Variants in CAPN13 observed in about 807,000 individuals in gnomAD.
The protein encoded by CAPN13 is calpain-13.
In CAPN13, 90 loss-of-function variants were observed where a neutral mutation model predicts 98.4. The observed-to-expected ratio is 0.92, with a 90% CI of 0.77 to 1.09. The LOEUF is 1.09. Ranked by LOEUF, CAPN13 falls within the 50% of genes least tolerant of loss-of-function variation. The probability of loss-of-function intolerance (pLI) is 0.00; values close to 1 mark genes in which losing one functional copy is unlikely to be tolerated. For missense variants in CAPN13, 887 were observed against 841.3 expected, an observed-to-expected ratio of 1.05 and a Z score of -0.67; for synonymous variants, 330 against 305.5, an observed-to-expected ratio of 1.08 and a Z score of -0.84.
chr2:30,738,568 T>A (rs141316385), intron 15 of CAPN13, 111 bp from the exon 16 acceptor site: 20 of 1,143,760 alleles, frequency 1.7e-5, no homozygotes, highest in Non-Finnish European at 2.4e-5. Flanking sequence ...GTCCCCACAA[T>A]GTACCCATCT....
At chr2:30,735,876 G>A (rs999304134) in intron 18 of CAPN13, among the ~76,000 whole-genome samples, 4 of 152,180 alleles carry the variant, frequency 2.6e-5, no homozygotes, top group Non-Finnish European at 1.5e-5. Flanking sequence ...AAGTATGAAG[G>A]GTAGGTGGGC....
chr2:30,779,868 A>G (rs922035221), intron 2 of CAPN13, among the ~76,000 whole-genome samples: 2 of 152,154 alleles, frequency 1.3e-5, no homozygotes, highest in South Asian at 2.1e-4. Context: ...CATTACTTTC[A>G]ATGGCAAAAA....
intron 8 of CAPN13, among the ~76,000 whole-genome samples, chr2:30,755,034 C>T (rs561023689): frequency 6.6e-6 from 1 of 152,190 alleles, no homozygotes. Context: ...CTGCCACCCT[C>T]TCCGATGTTA....
intron 8 of CAPN13, among the ~76,000 whole-genome samples, chr2:30,757,171 C>T (rs72867151): frequency 0.062 from 9,491 of 152,316 alleles, 547 homozygotes; most frequent in African/African-American, 0.15. Context: ...TGCTGTGTCA[C>T]GACATTTTTC....
At chr2:30,777,347 C>A (rs1572858317) in intron 3 of CAPN13, among the ~76,000 whole-genome samples, 1 of 152,264 alleles carries the variant, frequency 6.6e-6, no homozygotes, top group East Asian at 1.9e-4. Flanking sequence ...AGGTATCTTG[C>A]ACGGTCATTG....
At chr2:30,790,830 G>C (rs781117920) in intron 1 of CAPN13, among the ~76,000 whole-genome samples, 2 of 152,258 alleles carry the variant, frequency 1.3e-5, no homozygotes, top group Non-Finnish European at 2.9e-5. Flanking sequence ...ATTTCTCACA[G>C]TTCTGGAGGC....
intron 2 of CAPN13, among the ~76,000 whole-genome samples, chr2:30,786,671 A>G (rs1674299514): frequency 6.6e-6 from 1 of 152,318 alleles, no homozygotes; most frequent in South Asian, 2.1e-4. Context: ...GATTATTTAA[A>G]TTCATCCTAT....
At chr2:30,742,217 C>G (rs1289243726) in intron 14 of CAPN13, 109 bp downstream of exon 14, 3 of 1,338,270 alleles carry the variant, frequency 2.2e-6, no homozygotes, top group African/African-American at 1.5e-5. Context: ...CATGGTGTCT[C>G]TCTTTTCATT....
At chr2:30,757,992 C>G in intron 8 of CAPN13, 54 bp downstream of exon 8, 1 of 1,393,722 alleles carries the variant, frequency 7.2e-7, no homozygotes, top group Non-Finnish European at 9.7e-7. Flanking sequence ...GCAGGAGGCT[C>G]TACCGACACC....
In CAPN13 at chr2:30,743,717, G is replaced by T. The variant is rs1299881121; in HGVS notation, c.1249-138C>A. 5.1e-6 allele frequency: 4 copies of T among 789,840 alleles called. No individual in the cohort carries two copies. In the Admixed American group the frequency reaches 6.0e-5, roughly 12 times the overall value. 48.9% of individuals were successfully genotyped at this position (789,840 alleles called of 1,614,324 possible). Reference sequence around the variant, plus strand: ...TACAGGCTCTATAAATGGAGACAGTGCTCAGCTGAAGTCTCAAAAAGCAGT... The same window carrying T: ...TACAGGCTCTATAAATGGAGACAGTTCTCAGCTGAAGTCTCAAAAAGCAGT... On this transcript the variant is annotated intron_variant, in intron 12 of 22. Coordinates refer to ENST00000295055, the MANE Select transcript of CAPN13 (RefSeq NM_144575.3).
At chr2:30,747,409 C>T (rs1671967583) in intron 11 of CAPN13, among the ~76,000 whole-genome samples, 2 of 152,178 alleles carry the variant, frequency 1.3e-5, no homozygotes, top group Non-Finnish European at 1.5e-5. Flanking sequence ...TGACACTGGG[C>T]CCCACCCATG....
chr2:30,738,704 T>A (rs1671505028), intron 15 of CAPN13, among the ~76,000 whole-genome samples: 1 of 152,178 alleles, frequency 6.6e-6, no homozygotes, highest in South Asian at 2.1e-4. Context: ...CATTCCTGTC[T>A]TTATCTATTA....
chr2:30,786,752 A>C (rs1335730231), intron 2 of CAPN13, among the ~76,000 whole-genome samples: 1 of 152,166 alleles, frequency 6.6e-6, no homozygotes, highest in Non-Finnish European at 1.5e-5. Context: ...GAATATAAAG[A>C]TACTGACACC....
chr2:30,732,623 G>A (rs1671162650), intron 19 of CAPN13, 57 bp from the exon 20 acceptor site: 5 of 1,559,812 alleles, frequency 3.2e-6, no homozygotes, highest in African/African-American at 2.7e-5. Flanking sequence ...GGGTTCCTCT[G>A]CCTCTCAGGG....
Position 30,736,621 on chromosome 2 carries a change from G to C in CAPN13, c.1654-50C>G, listed in dbSNP as rs753828073. 4 of 1,557,940 alleles carry C rather than the reference G, an allele frequency of 2.6e-6. No homozygotes were observed. In the African/African-American group the frequency reaches 4.1e-5, roughly 16 times the overall value. ...CAGCCAGCGTGCAAGGTGCAGAGGGGCTGCCATCCTGCCAACAAAGCCAGA... is the reference window on the plus strand; with the variant it reads ...CAGCCAGCGTGCAAGGTGCAGAGGGCCTGCCATCCTGCCAACAAAGCCAGA... On this transcript the variant is annotated intron_variant, in intron 17 of 22. Coordinates refer to ENST00000295055, the MANE Select transcript of CAPN13 (RefSeq NM_144575.3).
At chr2:30,743,092 C>T (rs1450572772) in intron 13 of CAPN13, 2 of 436,688 alleles carry the variant, frequency 4.6e-6, no homozygotes, top group Non-Finnish European at 8.2e-6. Flanking sequence ...GCCCAGCTCA[C>T]GTGTCATTTC....
At chr2:30,766,900 G>T (rs1382977493) in intron 5 of CAPN13, among the ~76,000 whole-genome samples, 3 of 152,202 alleles carry the variant, frequency 2.0e-5, no homozygotes, top group Non-Finnish European at 2.9e-5. Flanking sequence ...AGAATAGAAA[G>T]TTTAGAGTCC....
chr2:30,793,145 T>C (rs887940385), intron 1 of CAPN13, among the ~76,000 whole-genome samples: 4 of 151,750 alleles, frequency 2.6e-5, no homozygotes, highest in African/African-American at 9.7e-5. Flanking sequence ...GTTGTGAAGG[T>C]CCTAGCCAAT....
At chr2:30,782,035 C>T (rs1034934983) in intron 2 of CAPN13, among the ~76,000 whole-genome samples, 2 of 152,026 alleles carry the variant, frequency 1.3e-5, no homozygotes, top group African/African-American at 2.4e-5. Flanking sequence ...CCAGGCAAAG[C>T]TGGGGGGTAA....
Sources: allele counts gnomAD v4.1 joint callset (sites outside exome capture counted in the v4.1 genomes callset), GRCh38; gene constraint gnomAD v4.1.1; transcripts MANE v1.5; gene names NCBI Gene and HGNC (gene_info 2026-07-23, HGNC 2026-07-21).